The following FSIP2 variants were observed in gnomAD, a reference collection of about 807,000 sequenced individuals.
FSIP2 encodes the protein fibrous sheath-interacting protein 2.
A neutral mutation model predicts 510.5 loss-of-function variants in FSIP2; 367 were observed. That is an observed-to-expected ratio of 0.72 (90% confidence interval 0.66 to 0.78). The LOEUF is 0.78. Ranked by LOEUF, FSIP2 falls within the 30% of genes least tolerant of loss-of-function variation. The pLI is 0.00. For missense variants in FSIP2, 7,594 were observed against 7,901.7 expected, an observed-to-expected ratio of 0.96 and a Z score of 1.48; for synonymous variants, 2,601 against 2,732.2, an observed-to-expected ratio of 0.95 and a Z score of 1.50.
chr2:185,738,651 T>C, upstream of FSIP2: 1 of 1,536,086 alleles, frequency 6.5e-7, no homozygotes, highest in Non-Finnish European at 8.7e-7. Flanking sequence ...TGTGGTCCTC[T>C]CAGATCAGGC....
Position 185,800,525 on chromosome 2 carries a change from C to G in FSIP2, c.11219C>G (p.Thr3740Ser). Residue 3740 changes from threonine to serine, a missense_variant, in exon 17 of 23, where the codon ACC (threonine) becomes AGC (serine). Transcript: ENST00000424728. ...SNNEQPNSILTNNLQLSSKSV... is the reference protein window; with the variant it reads ...SNNEQPNSILSNNLQLSSKSV... ...AATGAGCAACCTAATAGCATACTTA[C>G]CAATAACCTACAGCTCTCCTCAAAA... The G allele has an allele frequency of 6.5e-7, 1 of 1,530,946 alleles. No homozygotes were observed. Among genetic ancestry groups the G allele is most frequent in the Non-Finnish European group, 8.7e-7 (1 of 1,144,748 alleles). The allele number at this position is 1,530,946 out of a possible 1,614,324, so 94.8% of individuals were successfully genotyped here. A position where few individuals can be genotyped will look rare whatever the true frequency, so the allele number is the denominator to read the frequency against.
chr2:185,742,835 A>T (rs544590391), intron 2 of FSIP2, among the ~76,000 whole-genome samples: 1 of 152,194 alleles, frequency 6.6e-6, no homozygotes, highest in Non-Finnish European at 1.5e-5. Flanking sequence ...AACAAACTAT[A>T]TGCTATTCCC....
In FSIP2 at chr2:185,800,298, T is replaced by C; in HGVS notation, c.10992T>C (p.Ile3664=). 1 of 1,533,954 alleles carries C rather than the reference T, an allele frequency of 6.5e-7. No individual in the cohort carries two copies. Among genetic ancestry groups the C allele is most frequent in the South Asian group, 1.2e-5 (1 of 83,880 alleles). The change falls in exon 17 of 23, where the codon ATT becomes ATC. Residue 3664 remains isoleucine, a synonymous_variant. Transcript: ENST00000424728. ...ACTGGCAATTTTCTACTCAACAAAT[T>C]GGTCAACTTTTTCAAAAAAATAAGT... The part of the protein sequence containing the change: ...PRDWQFSTQQ[I]GQLFQKNKLS...
In FSIP2 at chr2:185,788,979, T is replaced by C. The variant is rs1693052678; in HGVS notation, c.1843T>C (p.Cys615Arg). 4 of 1,534,646 alleles carry C rather than the reference T, an allele frequency of 2.6e-6. No homozygotes were observed. Among genetic ancestry groups the C allele is most frequent in the Non-Finnish European group, 3.5e-6 (4 of 1,145,826 alleles). The change falls in exon 16 of 23, where the codon TGT (cysteine) becomes CGT (arginine). Residue 615 changes from cysteine to arginine, a missense_variant. By Grantham distance (180) the Cys-to-Arg change is radical. Transcript: ENST00000424728. ...GGAAAAAACAGTTGTGGGGAAAACA[T>C]GTCACATAAAAGGACAATCTATAAT... is the stretch of plus-strand genomic sequence containing the variant. ...HVEKTVVGKTCHIKGQSIISK... is the reference protein window; with the variant it reads ...HVEKTVVGKTRHIKGQSIISK...
rs1271597381 is a variant in FSIP2, at chr2:185,804,665, A to T, written c.15359A>T (p.Asp5120Val). The T allele has an allele frequency of 6.5e-7, 1 of 1,532,712 alleles. No individual in the cohort carries two copies. Among genetic ancestry groups the T allele is most frequent in the Non-Finnish European group, 8.7e-7 (1 of 1,144,730 alleles). 94.9% of individuals were successfully genotyped at this position (1,532,712 alleles called of 1,614,324 possible). A position where few individuals can be genotyped will look rare whatever the true frequency, so the allele number is the denominator to read the frequency against. The change falls in exon 17 of 23, where the codon GAT (aspartate) becomes GTT (valine). Residue 5120 changes from aspartate (D) to valine (V), a missense_variant. By Grantham distance (152) the Asp-to-Val change is radical. Coordinates refer to ENST00000424728, the MANE Select transcript of FSIP2 (RefSeq NM_173651.4). ...GTGTTGCCTCATTCTCTTTTAGAAG[A>T]TATGGTTTACAGGCTTCTAGGGCAT... ...ITVLPHSLLE[D>V]MVYRLLGHVF...
chr2:185,824,555 G>T, intron 20 of FSIP2, 75 bp downstream of exon 20: 1 of 852,936 alleles, frequency 1.2e-6, no homozygotes, highest in Non-Finnish European at 1.9e-6. Context: ...TATCAAACTT[G>T]AAGTTAATAC....
chr2:185,819,652 T>C (rs1001110528), intron 19 of FSIP2, among the ~76,000 whole-genome samples: 2 of 151,920 alleles, frequency 1.3e-5, no homozygotes, highest in Non-Finnish European at 2.9e-5. Flanking sequence ...TTTTTTTAAC[T>C]TTATGACAGT....
chr2:185,745,510 T>G lies in FSIP2; in HGVS notation c.559T>G (p.Trp187Gly). The change falls in exon 5 of 23, where the codon TGG becomes GGG. Residue 187 changes from tryptophan to glycine, a missense_variant. Transcript: ENST00000424728. ...QHCDVAQVQN[W>G]LLKEGTESIK... The stretch of plus-strand genomic sequence containing the variant: ...TTGTGATGTTGCACAAGTCCAAAAC[T>G]GGTTGTTAAAGGAGGGCACTGAATC... 6.5e-7 allele frequency: 1 copy of G among 1,535,532 alleles called. No individual in the cohort carries two copies. The highest frequency in any genetic ancestry group is 1.2e-5 in the South Asian group (1 of 84,022).
At chr2:185,818,387 T>C (rs914001225) in intron 19 of FSIP2, among the ~76,000 whole-genome samples, 1 of 151,364 alleles carries the variant, frequency 6.6e-6, no homozygotes, top group Non-Finnish European at 1.5e-5. Context: ...GAAGAAGAAA[T>C]TGAGAAAGAA....
At chr2:185,815,106 G>A (rs917664820) in intron 18 of FSIP2, among the ~76,000 whole-genome samples, 2 of 151,872 alleles carry the variant, frequency 1.3e-5, no homozygotes, top group Admixed American at 6.6e-5. Context: ...AAGAAAATTC[G>A]ACTCTTTAAA....
At chr2:185,780,953 T>C (rs1253935290) in intron 13 of FSIP2, among the ~76,000 whole-genome samples, 2 of 152,192 alleles carry the variant, frequency 1.3e-5, no homozygotes, top group African/African-American at 4.8e-5. Context: ...ATAGAAAACA[T>C]AATCTGTGAT....
At position 185,804,975 on chromosome 2, in the gene FSIP2, A is replaced by G. The variant is rs1693529531; in HGVS notation, c.15669A>G (p.Leu5223=). The part of the protein sequence containing the change: ...DKKGCSFLSK[L]AGFIMKEIMY... ...AAGGATGCTCATTCCTCAGTAAATTAGCTGGTTTTATTATGAAAGAAATCA... is the reference window on the plus strand; with the variant it reads ...AAGGATGCTCATTCCTCAGTAAATTGGCTGGTTTTATTATGAAAGAAATCA... Residue 5223 remains leucine, a synonymous_variant, in exon 17 of 23, where the codon TTA becomes TTG. Coordinates refer to ENST00000424728, the MANE Select transcript of FSIP2 (RefSeq NM_173651.4). The G allele has an allele frequency of 1.3e-6, 2 of 1,548,662 alleles. No individual in the cohort carries two copies. The highest frequency in any genetic ancestry group is 8.7e-7 in the Non-Finnish European group (1 of 1,152,560).
chr2:185,809,099 A>G lies in FSIP2; in HGVS notation c.19793A>G (p.Asp6598Gly), dbSNP rs758651638. 4.4e-6 allele frequency: 7 copies of G among 1,589,978 alleles called. No homozygotes were observed. The highest frequency in any genetic ancestry group is 5.1e-6 in the Non-Finnish European group (6 of 1,172,398). Residue 6598 changes from aspartate (D) to glycine (G), a missense_variant, in exon 17 of 23, where the codon GAT (aspartate) becomes GGT (glycine). By Grantham distance (94) the Asp-to-Gly change is moderately conservative. Transcript: ENST00000424728. ...AAGACAGAAAGACGTACCTCATTGG[A>G]TAAGACTGGAAGACTGGATGTAAAA... ...KRKTERRTSL[D>G]KTGRLDVKPL...
chr2:185,769,218 T>C (rs1479147453), intron 13 of FSIP2, among the ~76,000 whole-genome samples: 1 of 152,168 alleles, frequency 6.6e-6, no homozygotes, highest in African/African-American at 2.4e-5. Flanking sequence ...CACACGACTT[T>C]CCACAGTGGT....
In FSIP2 at chr2:185,775,457, C is replaced by A. The variant is rs201795488; in HGVS notation, c.1412-7248C>A. The stretch of plus-strand genomic sequence containing the variant: ...TTTTTCTTGTAAATTTGTTTGAGTT[C>A]ATTGTAGATTCTGGATATTAGCCCT... On this transcript the variant is annotated intron_variant, in intron 13 of 22. Coordinates refer to ENST00000424728, the MANE Select transcript of FSIP2 (RefSeq NM_173651.4). 6.6e-5 allele frequency among the ~76,000 whole-genome samples: 10 copies of A among 151,430 alleles called. No individual in the cohort carries two copies. In the East Asian group the frequency reaches 1.9e-3, roughly 29 times the overall value.
chr2:185,789,594 G>A lies in FSIP2; in HGVS notation c.2458G>A (p.Ala820Thr). ...PHTLDPMCDI[A>T]EDMVHAILEK... ...TACTTTGGACCCAATGTGTGATATT[G>A]CAGAGGACATGGTGCATGCCATTTT... is the stretch of plus-strand genomic sequence containing the variant. Residue 820 changes from alanine to threonine, a missense_variant, in exon 16 of 23, where the codon GCA becomes ACA. Physicochemically the swap from Ala to Thr is moderately conservative, Grantham distance 58. Coordinates refer to ENST00000424728, the MANE Select transcript of FSIP2 (RefSeq NM_173651.4). The A allele has an allele frequency of 1.3e-6, 2 of 1,534,910 alleles. No individual in the cohort carries two copies. Among genetic ancestry groups the A allele is most frequent in the African/African-American group, 1.4e-5 (1 of 73,054 alleles).
At position 185,782,941 on chromosome 2, in the gene FSIP2, T is replaced by C. The variant is rs138476164; in HGVS notation, c.1469+179T>C. 3.2e-4 allele frequency among the ~76,000 whole-genome samples: 48 copies of C among 152,310 alleles called. 1 individual carries two copies. The East Asian group carries it at 8.7e-3, about 28-fold the overall frequency. On this transcript the variant is annotated intron_variant, in intron 14 of 22. Coordinates refer to ENST00000424728, the MANE Select transcript of FSIP2 (RefSeq NM_173651.4). ...CTTAAATTGTAGACAAAGTGAATCATTGTCCTTTCCTTTCTCCTTCTCCTT... is the reference window on the plus strand; with the variant it reads ...CTTAAATTGTAGACAAAGTGAATCACTGTCCTTTCCTTTCTCCTTCTCCTT...
chr2:185,827,372 C>G (rs185489208), intron 20 of FSIP2, among the ~76,000 whole-genome samples: 21 of 151,798 alleles, frequency 1.4e-4, no homozygotes, highest in Non-Finnish European at 2.2e-4. Context: ...TATATGATAT[C>G]TTGAGAAATA....
rs760411271 is a variant in FSIP2, at chr2:185,824,392, A to G, written c.20427-42A>G. On this transcript the variant is annotated intron_variant, in intron 19 of 22. Coordinates refer to ENST00000424728, the MANE Select transcript of FSIP2 (RefSeq NM_173651.4). ...TGCTTAACCAGTAACTTCTTCATTT[A>G]TCAAATTCACCCTAAATGATGTTCT... The G allele has an allele frequency of 3.3e-5, 46 of 1,406,722 alleles. 2 individuals carry two copies. In the Middle Eastern group the frequency reaches 4.6e-3, roughly 141 times the overall value. 87.1% of individuals were successfully genotyped at this position (1,406,722 alleles called of 1,614,324 possible).
Sources: gnomAD v4.1 joint callset for allele counts (sites outside exome capture counted in the v4.1 genomes callset) on GRCh38, gnomAD v4.1.1 for gene constraint, MANE v1.5 for transcripts, NCBI Gene and HGNC (gene_info 2026-07-23, HGNC 2026-07-21) for gene names.